Variants in KLHL1 observed in about 807,000 individuals in gnomAD.
KLHL1 encodes the protein kelch like family member 1.
In KLHL1, 47 loss-of-function variants were observed where a neutral mutation model predicts 77.7. That is an observed-to-expected ratio of 0.60 (90% CI 0.48 to 0.77). The LOEUF (loss-of-function observed/expected upper bound fraction) is 0.77. Among genes scored for constraint, KLHL1 ranks in the 30% least tolerant of loss-of-function variants. KLHL1 has a pLI of 0.00. For synonymous variants in KLHL1, 360 were observed against 325.2 expected (o/e 1.11, Z -1.15); for missense variants, 925 against 910.8 (o/e 1.02, Z -0.20).
chr13:69,780,747 T>TATATATATAC (rs1555267699), intron 7 of KLHL1, among the ~76,000 whole-genome samples: 4,194 of 95,586 alleles, frequency 0.044, 203 homozygotes, highest in African/African-American at 0.064. Context: ...TATATATACA[T>TATATATATAC]ATATATATAT....
At chr13:70,085,091 AG>A (rs887517718) in intron 1 of KLHL1, among the ~76,000 whole-genome samples, 12 of 152,158 alleles carry the variant, frequency 7.9e-5, no homozygotes, top group African/African-American at 2.7e-4. Flanking sequence ...TGGTGTATAA[AG>A]ACAAGTATCT....
intron 3 of KLHL1, among the ~76,000 whole-genome samples, chr13:69,948,046 C>T (rs1284574523): frequency 5.3e-5 from 8 of 151,866 alleles, no homozygotes; most frequent in South Asian, 2.1e-4. Context: ...ACTTGATATA[C>T]GTAAGAAGTC....
intron 6 of KLHL1, among the ~76,000 whole-genome samples, chr13:69,797,764 G>A (rs892687052): frequency 4.0e-5 from 6 of 150,304 alleles, no homozygotes; most frequent in Admixed American, 2.7e-4. Context: ...GGGAGGCGGC[G>A]CTTGCAGTGA....
intron 3 of KLHL1, among the ~76,000 whole-genome samples, chr13:69,940,648 T>C (rs1197441755): frequency 6.6e-6 from 1 of 152,082 alleles, no homozygotes; most frequent in Non-Finnish European, 1.5e-5. Context: ...ATTTAACATA[T>C]GTATATACAT....
chr13:69,948,902 T>A (rs749704128), intron 3 of KLHL1, among the ~76,000 whole-genome samples: 6 of 152,126 alleles, frequency 3.9e-5, no homozygotes, highest in Admixed American at 1.3e-4. Context: ...AATCAAATTT[T>A]ATCTATCATC....
At chr13:69,943,825 A>G (rs1883437155) in intron 3 of KLHL1, among the ~76,000 whole-genome samples, 1 of 152,180 alleles carries the variant, frequency 6.6e-6, no homozygotes, top group Admixed American at 6.5e-5. Context: ...TTGTTCAGTA[A>G]AGTTGTCAAG....
At chr13:69,745,118 G>C (rs1874151097) in intron 7 of KLHL1, among the ~76,000 whole-genome samples, 2 of 151,754 alleles carry the variant, frequency 1.3e-5, no homozygotes, top group African/African-American at 4.8e-5. Flanking sequence ...TCCACAACTT[G>C]TCACTGTGAA....
At chr13:69,884,629 A>G (rs997508117) in intron 4 of KLHL1, among the ~76,000 whole-genome samples, 3 of 152,156 alleles carry the variant, frequency 2.0e-5, no homozygotes, top group Admixed American at 2.0e-4. Flanking sequence ...TCTGTCATAA[A>G]GATACTGTTC....
intron 4 of KLHL1, among the ~76,000 whole-genome samples, chr13:69,900,051 A>G (rs967752567): frequency 6.6e-6 from 1 of 152,148 alleles, no homozygotes; most frequent in Non-Finnish European, 1.5e-5. Context: ...GAGATAAGCC[A>G]GCTGTTGGAA....
At position 69,934,956 on chromosome 13, in the gene KLHL1, GCA is replaced by G. The variant is rs1491577105; in HGVS notation, c.1014+5082_1014+5083del. On this transcript the variant is annotated intron_variant, in intron 4 of 10. Coordinates refer to ENST00000377844, the MANE Select transcript of KLHL1 (RefSeq NM_020866.3). ...TTTGTAAAATTTACCGTGTGTGTGT[GCA>G]TGTGTATATATATATATATATATAT... 1.1e-4 allele frequency among the ~76,000 whole-genome samples: 10 copies of G among 94,770 alleles called. No individual in the cohort carries two copies. The South Asian group carries it at 1.2e-3, about 11-fold the overall frequency. 62.2% of individuals were successfully genotyped at this position (94,770 alleles called of 152,430 possible). A position where few individuals can be genotyped will look rare whatever the true frequency, so the allele number is the denominator to read the frequency against.
At chr13:69,907,754 C>G (rs752547239) in intron 4 of KLHL1, among the ~76,000 whole-genome samples, 55 of 151,824 alleles carry the variant, frequency 3.6e-4, no homozygotes, top group Non-Finnish European at 7.5e-4. Flanking sequence ...AATGGGAAAC[C>G]AATTCACAGA....
chr13:69,819,501 A>C (rs1878251948), intron 6 of KLHL1, among the ~76,000 whole-genome samples: 1 of 152,172 alleles, frequency 6.6e-6, no homozygotes, highest in Non-Finnish European at 1.5e-5. Context: ...CACACTGAGA[A>C]CATTTGCTTT....
intron 1 of KLHL1, among the ~76,000 whole-genome samples, chr13:70,065,925 C>G (rs751023228): frequency 1.7e-4 from 26 of 152,046 alleles, no homozygotes; most frequent in Non-Finnish European, 3.4e-4. Flanking sequence ...AAGCATATAT[C>G]AAGTCCTATT....
intron 8 of KLHL1, among the ~76,000 whole-genome samples, chr13:69,733,345 A>G (rs1436016206): frequency 6.6e-6 from 1 of 152,194 alleles, no homozygotes; most frequent in Non-Finnish European, 1.5e-5. Context: ...AAATTACTTA[A>G]GCTAATTTGC....
intron 4 of KLHL1, among the ~76,000 whole-genome samples, chr13:69,889,774 G>T (rs1221688525): frequency 6.6e-6 from 1 of 151,964 alleles, no homozygotes; most frequent in East Asian, 1.9e-4. Flanking sequence ...TAGCATCCAT[G>T]ATAATGCATT....
At chr13:69,882,233 A>C (rs770179340) in intron 5 of KLHL1, 50 bp downstream of exon 5, 1 of 1,240,562 alleles carries the variant, frequency 8.1e-7, no homozygotes, top group Non-Finnish European at 1.2e-6. Flanking sequence ...CTTTTAATAT[A>C]GGGTTTTTCA....
intron 9 of KLHL1, among the ~76,000 whole-genome samples, 186 bp downstream of exon 9, chr13:69,719,183 C>CGTGT (rs761517378): frequency 0.015 from 1,546 of 103,782 alleles, 23 homozygotes; most frequent in African/African-American, 0.038. Flanking sequence ...AAAGAAAGTA[C>CGTGT]GTGTGTGTGT....
chr13:69,711,990 T>C (rs1295388274), intron 9 of KLHL1, among the ~76,000 whole-genome samples: 2 of 152,176 alleles, frequency 1.3e-5, no homozygotes, highest in African/African-American at 2.4e-5. Context: ...TCATTTTTTT[T>C]CCCAGTAGTC....
intron 7 of KLHL1, among the ~76,000 whole-genome samples, chr13:69,790,142 C>A (rs9572286): frequency 1.3e-5 from 2 of 152,012 alleles, no homozygotes; most frequent in Admixed American, 1.3e-4. Flanking sequence ...CTTAGTTTAT[C>A]CTTGTTGTAC....
Sources: gnomAD v4.1 joint callset for allele counts (sites outside exome capture counted in the v4.1 genomes callset) on GRCh38, gnomAD v4.1.1 for gene constraint, MANE v1.5 for transcripts, NCBI Gene and HGNC (gene_info 2026-07-23, HGNC 2026-07-21) for gene names.